Variants in PDS5A observed in about 807,000 individuals in gnomAD.
The protein encoded by PDS5A is PDS5 cohesin associated factor A, also known as sister chromatid cohesion protein PDS5 homolog A.
A neutral mutation model predicts 167.1 loss-of-function variants in PDS5A; 42 were observed. The ratio of observed to expected loss-of-function variants is 0.25; its 90% CI spans 0.20 to 0.33. The LOEUF is 0.33. PDS5A is among the 10% of genes least tolerant of loss of function. The pLI is 1.00. For missense variants in PDS5A, 1,033 were observed against 1,605.9 expected, an observed-to-expected ratio of 0.64 and a Z score of 6.10; for synonymous variants, 553 against 554.6, an observed-to-expected ratio of 1.00 and a Z score of 0.04.
chr4:39,906,646 A>C (rs1452120080), intron 11 of PDS5A, among the ~76,000 whole-genome samples: 1 of 151,536 alleles, frequency 6.6e-6, no homozygotes, highest in Non-Finnish European at 1.5e-5. Context: ...GCTGAGTGTG[A>C]TGGTGGGAGC....
chr4:39,948,041 A>G (rs1426707592), intron 2 of PDS5A, among the ~76,000 whole-genome samples: 1 of 152,082 alleles, frequency 6.6e-6, no homozygotes, highest in Non-Finnish European at 1.5e-5. Flanking sequence ...CCTTGAGACA[A>G]GGAATGCAAG....
At chr4:39,862,130 A>G (rs1335259412) in intron 26 of PDS5A, 89 bp downstream of exon 26, 2 of 494,128 alleles carry the variant, frequency 4.0e-6, no homozygotes, top group Non-Finnish European at 7.2e-6. Context: ...TCTAATGTAA[A>G]TAATAAATAA....
chr4:39,933,480 C>T (rs1017434517), intron 2 of PDS5A: 2 of 152,116 alleles, frequency 1.3e-5, no homozygotes, highest in East Asian at 1.9e-4. Flanking sequence ...TTTTTACCTA[C>T]GAGATTCACT....
intron 7 of PDS5A, 56 bp from the exon 8 acceptor site, chr4:39,917,244 TACATTTTTAATAA>T: frequency 8.7e-7 from 1 of 1,152,808 alleles, no homozygotes; most frequent in African/African-American, 1.6e-5. Context: ...AAAACATGGA[TACATTTTTAATAA>T]ACATTTTTTA....
chr4:39,872,281 A>G (rs1720110719), intron 21 of PDS5A, among the ~76,000 whole-genome samples: 1 of 145,902 alleles, frequency 6.9e-6, no homozygotes, highest in African/African-American at 2.5e-5. Context: ...GGTTCAAGTG[A>G]TTCTCCTGCC....
chr4:39,837,396 G>C (rs899787693), intron 32 of PDS5A: 4 of 154,890 alleles, frequency 2.6e-5, no homozygotes, highest in African/African-American at 9.6e-5. Flanking sequence ...TTGTTTTTCT[G>C]GGCAGGGTGG....
chr4:39,967,213 G>A (rs1439725935), intron 2 of PDS5A, among the ~76,000 whole-genome samples: 3 of 151,802 alleles, frequency 2.0e-5, no homozygotes, highest in Admixed American at 2.0e-4. Context: ...GCTGAAGCAG[G>A]AGAATTGCTT....
rs752859586 is a variant in PDS5A at position 39,838,078 on chromosome 4, G to A, written c.3788C>T (p.Pro1263Leu). The change falls in exon 32 of 33, where the codon CCC becomes CTC. Residue 1263 changes from proline (P) to leucine (L), a missense_variant. By Grantham distance (98) the Pro-to-Leu change is moderately conservative. Around this residue, in one of 4 missense-constraint regions of PDS5A, gnomAD observed 233 missense variants for 264.0 expected, o/e 0.88. Transcript: ENST00000303538. ...TCCTCTCCTGGGTTTGGAAGGGGCG[G>A]GAGGTCCCGATTCATCTACTTTCTC... ...TDEKVDESGP[P>L]APSKPRRGRR... The A allele has an allele frequency of 6.2e-7, 1 of 1,613,916 alleles. No individual in the cohort carries two copies. Among genetic ancestry groups the A allele is most frequent in the Non-Finnish European group, 8.5e-7 (1 of 1,179,874 alleles).
intron 30 of PDS5A, among the ~76,000 whole-genome samples, chr4:39,844,123 C>A (rs1717341678): frequency 6.6e-6 from 1 of 151,488 alleles, no homozygotes; most frequent in South Asian, 2.1e-4. Flanking sequence ...GCCCTCCAGC[C>A]TAAGCAACAA....
At chr4:39,866,730 G>A (rs1368995145) in intron 23 of PDS5A, 131 bp downstream of exon 23, 2 of 693,576 alleles carry the variant, frequency 2.9e-6, no homozygotes, top group Non-Finnish European at 4.6e-6. Flanking sequence ...AACCCTAAAT[G>A]AGTACATAAG....
At chr4:39,908,744 C>A in intron 10 of PDS5A, 1 of 535,818 alleles carries the variant, frequency 1.9e-6, no homozygotes, top group South Asian at 2.3e-5. Context: ...CCCAAGTTGG[C>A]CAGGTGTGAT....
At chr4:39,829,984 A>AAAAAAAAT (rs1715704026) in intron 32 of PDS5A, among the ~76,000 whole-genome samples, 1 of 125,344 alleles carries the variant, frequency 8.0e-6, no homozygotes, top group East Asian at 2.5e-4. Context: ...AAAAAAAAAA[A>AAAAAAAAT]GAAATTTCCA....
chr4:39,947,529 T>C (rs112773658), intron 2 of PDS5A, among the ~76,000 whole-genome samples: 3,807 of 152,278 alleles, frequency 0.025, 165 homozygotes, highest in African/African-American at 0.086. Context: ...TCCAATCCTT[T>C]GGCTTCCCTG....
In PDS5A at chr4:39,925,348, T is replaced by A. The variant is rs189230304; in HGVS notation, c.527+488A>T. Among the ~76,000 whole-genome samples the A allele has an allele frequency of 5.8e-3, 880 of 152,254 alleles. 7 individuals carry two copies. Among genetic ancestry groups the A allele is most frequent in the African/African-American group, 0.019 (810 of 41,540 alleles). ...AGGCCAATTTAGGCAATGTTTAAGA[T>A]TTTTTTCTAGGTCTAGAATAAGAAG... is the stretch of plus-strand genomic sequence containing the variant. On this transcript the variant is annotated intron_variant, in intron 5 of 32. Coordinates refer to ENST00000303538, the MANE Select transcript of PDS5A (RefSeq NM_001100399.2).
intron 13 of PDS5A, among the ~76,000 whole-genome samples, chr4:39,901,840 T>A (rs560480161): frequency 3.3e-5 from 5 of 150,704 alleles, no homozygotes; most frequent in Admixed American, 6.6e-5. Flanking sequence ...ACATTTACTT[T>A]AAAAAAAAAA....
intron 26 of PDS5A, among the ~76,000 whole-genome samples, chr4:39,853,966 T>C (rs909438895): frequency 3.0e-4 from 45 of 152,204 alleles, no homozygotes; most frequent in Non-Finnish European, 1.6e-4. Context: ...GGACACGTAT[T>C]AGCTGTGTGA....
chr4:39,833,206 A>AAG, intron 32 of PDS5A, among the ~76,000 whole-genome samples: 1 of 148,272 alleles, frequency 6.7e-6, no homozygotes, highest in East Asian at 2.0e-4. Context: ...AAAAAAAAAA[A>AAG]AAAAAAAAAA....
intron 13 of PDS5A, among the ~76,000 whole-genome samples, chr4:39,901,412 C>T (rs1383790901): frequency 4.6e-5 from 7 of 151,738 alleles, no homozygotes; most frequent in Admixed American, 3.3e-4. Context: ...GGATTACAGG[C>T]GTGCACCACC....
chr4:39,829,923 CCTGGGCGACAGA>C (rs1448947121), intron 32 of PDS5A, among the ~76,000 whole-genome samples: 10 of 120,528 alleles, frequency 8.3e-5, no homozygotes, highest in African/African-American at 3.3e-4. Flanking sequence ...TGTACTCCAG[CCTGGGCGACAGA>C]CTGAGACTCC....
Sources: gnomAD v4.1 joint callset for allele counts (sites outside exome capture counted in the v4.1 genomes callset) on GRCh38, gnomAD v4.1.1 for gene constraint, gnomAD v4.1.1 regional missense constraint, MANE v1.5 for transcripts, NCBI Gene and HGNC (gene_info 2026-07-23, HGNC 2026-07-21) for gene names.